RHBDL3: variants seen among roughly 807,000 people sequenced by gnomAD.
The protein encoded by RHBDL3 is rhomboid like 3.
RHBDL3 carries 28 observed loss-of-function variants against 48.2 expected under a neutral mutation model. The observed-to-expected ratio is 0.58, with a 90% CI of 0.43 to 0.80. The LOEUF (loss-of-function observed/expected upper bound fraction) is 0.80, where lower values mean the gene tolerates loss of function less well. Among genes scored for constraint, RHBDL3 ranks in the 30% least tolerant of loss-of-function variants. The pLI, the probability that RHBDL3 is intolerant of heterozygous loss-of-function variation, is 0.00. For synonymous variants in RHBDL3, 208 were observed against 232.3 expected (o/e 0.90, Z 0.95); for missense variants, 464 against 542.7 (o/e 0.85, Z 1.44).
At chr17:32,296,714 T>C (rs994288931) in intron 5 of RHBDL3, among the ~76,000 whole-genome samples, 2 of 152,220 alleles carry the variant, frequency 1.3e-5, no homozygotes, top group South Asian at 2.1e-4. Flanking sequence ...AGTTATAAGA[T>C]GTATATTTAA....
intron 4 of RHBDL3, among the ~76,000 whole-genome samples, chr17:32,290,181 C>T (rs2040294390): frequency 6.6e-6 from 1 of 152,186 alleles, no homozygotes; most frequent in Admixed American, 6.6e-5. Context: ...GGGGCCTAAG[C>T]CATTCCCAGG....
At chr17:32,317,822 G>A (rs1335758219) in intron 8 of RHBDL3, among the ~76,000 whole-genome samples, 2 of 152,162 alleles carry the variant, frequency 1.3e-5, no homozygotes, top group African/African-American at 2.4e-5. Context: ...CTGCAGTGTG[G>A]AGAATAGATT....
At chr17:32,278,625 C>T (rs868204176) in intron 2 of RHBDL3, among the ~76,000 whole-genome samples, 3 of 152,270 alleles carry the variant, frequency 2.0e-5, no homozygotes, top group Non-Finnish European at 2.9e-5. Context: ...TGCAGGCTCT[C>T]GCCCCTCTGC....
In RHBDL3 at chr17:32,270,020, G is replaced by T. The variant is rs12602224; in HGVS notation, c.135+2095G>T. ...CCCCTGCTTCTGGGAGGCCTGCCCA[G>T]AATTAATTCTAGGAAAGAAATTAGG... On this transcript the variant is annotated intron_variant, in intron 2 of 8. Coordinates refer to ENST00000269051, the MANE Select transcript of RHBDL3 (RefSeq NM_138328.3). 1.5e-3 allele frequency among the ~76,000 whole-genome samples: 226 copies of T among 148,982 alleles called. 1 individual carries two copies. In the East Asian group the frequency reaches 0.04, roughly 26 times the overall value.
chr17:32,282,259 T>C (rs969767337), intron 2 of RHBDL3, among the ~76,000 whole-genome samples: 1 of 152,080 alleles, frequency 6.6e-6, no homozygotes, highest in Non-Finnish European at 1.5e-5. Flanking sequence ...AGGTGGGAGA[T>C]ATACAGATTT....
chr17:32,298,217 G>T lies in RHBDL3; in HGVS notation c.781+13G>T. 1 of 1,583,550 alleles carries T rather than the reference G, an allele frequency of 6.3e-7. No homozygotes were observed. ...GGTGTTGTGGCAGGTAGGCAGGTAG[G>T]CCCCGTGTCCACAAAGGCACACTGC... On this transcript the variant is annotated intron_variant, in intron 6 of 8. Transcript: ENST00000269051.
chr17:32,316,384 G>A, intron 8 of RHBDL3, 92 bp downstream of exon 8: 3 of 957,378 alleles, frequency 3.1e-6, no homozygotes, highest in Non-Finnish European at 3.3e-6. Flanking sequence ...CGGGCTTATG[G>A]TCAAGAAAAA....
At chr17:32,282,133 T>C (rs1051828265) in intron 2 of RHBDL3, among the ~76,000 whole-genome samples, 3 of 152,210 alleles carry the variant, frequency 2.0e-5, no homozygotes, top group African/African-American at 7.2e-5. Context: ...TCAGCAAATA[T>C]TAGGTGTTTT....
At chr17:32,298,244 C>G in intron 6 of RHBDL3, 40 bp downstream of exon 6, 1 of 1,398,334 alleles carries the variant, frequency 7.2e-7, no homozygotes. Context: ...GCACACTGCC[C>G]CAGGGTGGGG....
Position 32,322,043 on chromosome 17 carries a change from C to A in RHBDL3, c.*814C>A, listed in dbSNP as rs2041146609. 6.5e-6 allele frequency: 1 copy of A among 153,048 alleles called. No homozygotes were observed. The highest frequency in any genetic ancestry group is 1.5e-5 in the Non-Finnish European group (1 of 68,720). 9.5% of individuals were successfully genotyped at this position (153,048 alleles called of 1,614,324 possible). A position where few individuals can be genotyped will look rare whatever the true frequency, so the allele number is the denominator to read the frequency against. On this transcript the variant is annotated 3_prime_UTR_variant, in exon 9 of 9. Coordinates refer to ENST00000269051, the MANE Select transcript of RHBDL3 (RefSeq NM_138328.3). ...TCCATGCCCAGCCTTGTTTTAGGGT[C>A]TTTTTCTTTCCTTTTGCTGCCCTGA...
chr17:32,293,364 A>T (rs139139256), intron 4 of RHBDL3, among the ~76,000 whole-genome samples: 2 of 151,708 alleles, frequency 1.3e-5, no homozygotes. Flanking sequence ...GGCAGGTCAC[A>T]TGAGGTTAGG....
At chr17:32,298,296 A>G (rs1282098295) in intron 6 of RHBDL3, 92 bp downstream of exon 6, 1 of 767,448 alleles carries the variant, frequency 1.3e-6, no homozygotes. Flanking sequence ...GGTTTCCAGG[A>G]CACACAGAAG....
intron 7 of RHBDL3, among the ~76,000 whole-genome samples, chr17:32,313,143 G>A (rs541142434): frequency 6.6e-5 from 10 of 152,066 alleles, no homozygotes; most frequent in Middle Eastern, 3.4e-3. Context: ...GACCACTTGA[G>A]GCCAGGAGTT....
chr17:32,293,579 CAA>C (rs5819974), intron 4 of RHBDL3, among the ~76,000 whole-genome samples: 3 of 120,398 alleles, frequency 2.5e-5, no homozygotes, highest in Admixed American at 8.7e-5. Context: ...GACCCTGTCT[CAA>C]AAAAAAAAAA....
intron 7 of RHBDL3, among the ~76,000 whole-genome samples, chr17:32,311,878 G>T (rs1180057673): frequency 6.6e-6 from 1 of 152,196 alleles, no homozygotes; most frequent in African/African-American, 2.4e-5. Flanking sequence ...ACCTGATGAG[G>T]TGGGGAACTG....
chr17:32,322,120 T>C lies in RHBDL3; in HGVS notation c.*891T>C, dbSNP rs904197610. The C allele has an allele frequency of 6.6e-6, 1 of 152,544 alleles. No homozygotes were observed. Among genetic ancestry groups the C allele is most frequent in the South Asian group, 2.1e-4 (1 of 4,836 alleles). The allele number at this position is 152,544 out of a possible 1,614,324, so 9.4% of individuals were successfully genotyped here. ...TGGAGACAGTGTTTTGAAACATTCA[T>C]GCGTGTGTGTGTGTGTGTGCGTATA... On this transcript the variant is annotated 3_prime_UTR_variant, in exon 9 of 9. Coordinates refer to ENST00000269051, the MANE Select transcript of RHBDL3 (RefSeq NM_138328.3).
chr17:32,278,371 A>G (rs1763765275), intron 2 of RHBDL3, among the ~76,000 whole-genome samples: 1 of 152,196 alleles, frequency 6.6e-6, no homozygotes, highest in Non-Finnish European at 1.5e-5. Context: ...GGAGGGCAAG[A>G]TGGGACCAGC....
At chr17:32,289,302 A>C (rs959528762) in intron 4 of RHBDL3, among the ~76,000 whole-genome samples, 1 of 152,004 alleles carries the variant, frequency 6.6e-6, no homozygotes, top group Middle Eastern at 3.4e-3. Context: ...CACCCACCCC[A>C]AAACAACAGC....
chr17:32,271,915 A>T (rs2039781800), intron 2 of RHBDL3, among the ~76,000 whole-genome samples: 1 of 152,216 alleles, frequency 6.6e-6, no homozygotes, highest in South Asian at 2.1e-4. Flanking sequence ...GATGAACAGA[A>T]GGCGTGGATC....
Sources: gnomAD v4.1 joint callset for allele counts (sites outside exome capture counted in the v4.1 genomes callset) on GRCh38, gnomAD v4.1.1 for gene constraint, MANE v1.5 for transcripts, NCBI Gene and HGNC (gene_info 2026-07-23, HGNC 2026-07-21) for gene names.